The following SUPT3H variants were observed in gnomAD, a reference collection of about 807,000 sequenced individuals.
SUPT3H encodes SPT3 homolog, SAGA and STAGA complex component, also known as transcription initiation protein SPT3 homolog.
Under a neutral mutation model 44.3 loss-of-function variants are expected in SUPT3H, and 44 were observed. That is an observed-to-expected ratio of 0.99 (90% CI 0.78 to 1.28). SUPT3H has a LOEUF of 1.28. Ranked by LOEUF, SUPT3H falls within the 50% of genes most tolerant of loss-of-function variation. SUPT3H has a pLI of 0.00. For missense variants in SUPT3H, 380 were observed against 387.1 expected (o/e 0.98, Z 0.15); for synonymous variants, 124 against 125.6 (o/e 0.99, Z 0.09).
intron 9 of SUPT3H, among the ~76,000 whole-genome samples, chr6:44,941,986 A>G (rs961304688): frequency 2.6e-5 from 4 of 152,174 alleles, no homozygotes; most frequent in African/African-American, 4.8e-5. Context: ...TCAAGAGAAT[A>G]CAGACATAGA....
intron 2 of SUPT3H, among the ~76,000 whole-genome samples, chr6:45,176,016 T>G (rs1339712751): frequency 2.0e-5 from 3 of 152,198 alleles, no homozygotes; most frequent in Non-Finnish European, 4.4e-5. Context: ...TGACTCAATC[T>G]GATTGCTCAC....
At chr6:45,275,236 TC>T (rs1260337009) in intron 2 of SUPT3H, among the ~76,000 whole-genome samples, 2 of 152,150 alleles carry the variant, frequency 1.3e-5, no homozygotes, top group Non-Finnish European at 2.9e-5. Flanking sequence ...GAGGGAGGAT[TC>T]TAAGATGAAG....
At chr6:44,874,932 T>C (rs1386204600) in intron 10 of SUPT3H, among the ~76,000 whole-genome samples, 1 of 137,118 alleles carries the variant, frequency 7.3e-6, no homozygotes, top group South Asian at 2.7e-4. Context: ...TACCTAGGAA[T>C]CCAACTTACA....
intron 10 of SUPT3H, among the ~76,000 whole-genome samples, chr6:44,843,042 T>C (rs1392719605): frequency 6.6e-6 from 1 of 152,158 alleles, no homozygotes; most frequent in East Asian, 1.9e-4. Flanking sequence ...CCAATATTTC[T>C]AGAAATTTTA....
intron 2 of SUPT3H, among the ~76,000 whole-genome samples, chr6:45,180,477 G>C (rs1229779390): frequency 1.4e-5 from 2 of 145,560 alleles, no homozygotes; most frequent in African/African-American, 2.6e-5. Flanking sequence ...ATACTACAAG[G>C]CTACAGTAAC....
intron 9 of SUPT3H, among the ~76,000 whole-genome samples, chr6:44,935,771 C>T (rs1279488000): frequency 2.0e-5 from 3 of 152,284 alleles, no homozygotes; most frequent in Non-Finnish European, 2.9e-5. Flanking sequence ...CTTTTCTCTG[C>T]CGGTTTACAA....
intron 1 of SUPT3H, among the ~76,000 whole-genome samples, chr6:45,368,857 C>T (rs994858975): frequency 2.6e-5 from 4 of 151,742 alleles, no homozygotes; most frequent in Middle Eastern, 3.2e-3. Context: ...TCATAAAATT[C>T]CAAAGGCAGG....
intron 2 of SUPT3H, among the ~76,000 whole-genome samples, chr6:45,207,061 A>G (rs1026464854): frequency 6.6e-6 from 1 of 152,196 alleles, no homozygotes; most frequent in African/African-American, 2.4e-5. Flanking sequence ...GATAGAGAAG[A>G]TAAGAAACAA....
At chr6:45,116,160 A>AT (rs1800810865) in intron 2 of SUPT3H, among the ~76,000 whole-genome samples, 1 of 152,066 alleles carries the variant, frequency 6.6e-6, no homozygotes, top group East Asian at 1.9e-4. Flanking sequence ...CAGGCTCGTT[A>AT]TTTTTCACAG....
chr6:44,906,362 G>C (rs914929486), intron 10 of SUPT3H, among the ~76,000 whole-genome samples: 3 of 152,146 alleles, frequency 2.0e-5, no homozygotes, highest in African/African-American at 7.2e-5. Flanking sequence ...GTTTAAAGGT[G>C]GGAAATGATG....
At chr6:45,314,570 T>C (rs1784426671) in intron 2 of SUPT3H, among the ~76,000 whole-genome samples, 3 of 152,120 alleles carry the variant, frequency 2.0e-5, no homozygotes, top group African/African-American at 7.2e-5. Flanking sequence ...TACTTAGGAA[T>C]ATACCTAACA....
intron 2 of SUPT3H, among the ~76,000 whole-genome samples, chr6:45,267,713 AAAT>A (rs1185733958): frequency 1.3e-5 from 2 of 152,168 alleles, no homozygotes; most frequent in Non-Finnish European, 2.9e-5. Context: ...GGCCAATGAT[AAAT>A]AGGCAGTAGT....
chr6:45,091,265 T>C (rs1240914498), intron 3 of SUPT3H, among the ~76,000 whole-genome samples: 2 of 152,026 alleles, frequency 1.3e-5, no homozygotes, highest in Admixed American at 1.3e-4. Context: ...TGAATTTGTA[T>C]TTTCCACACC....
chr6:45,161,237 T>C (rs1253805975), intron 2 of SUPT3H, among the ~76,000 whole-genome samples: 1 of 152,146 alleles, frequency 6.6e-6, no homozygotes, highest in Non-Finnish European at 1.5e-5. Flanking sequence ...TATTTCTTTA[T>C]AGCAACACAA....
chr6:45,153,789 C>T (rs768746855), intron 2 of SUPT3H, among the ~76,000 whole-genome samples: 24 of 151,722 alleles, frequency 1.6e-4, no homozygotes, highest in Non-Finnish European at 2.7e-4. Context: ...GAGCTTAGGC[C>T]GGGCACGGTG....
intron 3 of SUPT3H, among the ~76,000 whole-genome samples, chr6:45,088,473 C>A (rs1796746160): frequency 6.6e-6 from 1 of 152,018 alleles, no homozygotes; most frequent in African/African-American, 2.4e-5. Context: ...CATTTACACA[C>A]ATTATCTTAT....
At chr6:44,948,157 A>G (rs1773651295) in intron 9 of SUPT3H, among the ~76,000 whole-genome samples, 2 of 152,174 alleles carry the variant, frequency 1.3e-5, no homozygotes, top group Non-Finnish European at 2.9e-5. Flanking sequence ...CCATTGGTGT[A>G]TATCTCTGTT....
chr6:44,835,008 G>C (rs1045592148), intron 10 of SUPT3H, among the ~76,000 whole-genome samples: 1 of 152,084 alleles, frequency 6.6e-6, no homozygotes, highest in African/African-American at 2.4e-5. Context: ...CCCTCCCCTG[G>C]AGAATCACTT....
At chr6:45,128,617 C>CAT (rs1802922991) in intron 2 of SUPT3H, among the ~76,000 whole-genome samples, 1 of 136,614 alleles carries the variant, frequency 7.3e-6, no homozygotes, top group Non-Finnish European at 1.5e-5. Context: ...CATACACACA[C>CAT]ATATATATAC....
Sources: gnomAD v4.1 joint callset for allele counts (sites outside exome capture counted in the v4.1 genomes callset) on GRCh38, gnomAD v4.1.1 for gene constraint, MANE v1.5 for transcripts, NCBI Gene and HGNC (gene_info 2026-07-23, HGNC 2026-07-21) for gene names.